Variants in PRKCE observed in about 807,000 individuals in gnomAD.
The protein encoded by PRKCE is protein kinase C epsilon.
Under a neutral mutation model 85.4 loss-of-function variants are expected in PRKCE, and 16 were observed. The observed-to-expected ratio is 0.19, with a 90% confidence interval of 0.13 to 0.28. The LOEUF is 0.28. Ranked by LOEUF, PRKCE falls within the 10% of genes least tolerant of loss-of-function variation. The pLI is 1.00. For synonymous variants in PRKCE, 388 were observed against 371.5 expected (o/e 1.04, Z -0.51); for missense variants, 573 against 975.2 (o/e 0.59, Z 5.49).
At chr2:45,849,599 A>T (rs939312420) in intron 2 of PRKCE, among the ~76,000 whole-genome samples, 40 of 152,202 alleles carry the variant, frequency 2.6e-4, no homozygotes, top group Admixed American at 1.3e-4. Context: ...CAAGGTGCTG[A>T]TCAGGCTCCC....
chr2:45,970,095 CTT>C (rs1305958486), intron 2 of PRKCE, among the ~76,000 whole-genome samples: 1 of 152,170 alleles, frequency 6.6e-6, no homozygotes, highest in Non-Finnish European at 1.5e-5. Context: ...ATGTGAATCT[CTT>C]TGTGGCCTTC....
intron 3 of PRKCE, among the ~76,000 whole-genome samples, chr2:45,977,144 A>C (rs866414999): frequency 1.9e-4 from 29 of 151,896 alleles, no homozygotes; most frequent in African/African-American, 6.8e-4. Context: ...TGATCCACCC[A>C]CCTCTGCCCC....
rs1677126041 is a variant in PRKCE at position 46,155,697 on chromosome 2, G to C, written c.1921-3909G>C. 6.6e-6 allele frequency among the ~76,000 whole-genome samples: 1 copy of C among 152,110 alleles called. No homozygotes were observed. The highest frequency in any genetic ancestry group is 2.4e-5 in the African/African-American group (1 of 41,416). ...GGCACCCTGTCTTCCTTTCTAAACAGACCAGAAATGGGGTGCAATCCCTCT... is the reference window on the plus strand; with the variant it reads ...GGCACCCTGTCTTCCTTTCTAAACACACCAGAAATGGGGTGCAATCCCTCT... On this transcript the variant is annotated intron_variant, in intron 13 of 14. Coordinates refer to ENST00000306156, the MANE Select transcript of PRKCE (RefSeq NM_005400.3). This position sits in a 1 kb window ranked among gnomAD's most constrained non-coding sequence, Gnocchi z 4.7.
Position 45,785,231 on chromosome 2 carries a change from C to CT in PRKCE, c.349-57766dup, listed in dbSNP as rs556829913. On this transcript the variant is annotated intron_variant, in intron 1 of 14. Transcript: ENST00000306156. ...AGAGGCCAGGCACGGTGGCGCACAC[C>CT]TTTAATTCCAGCACTTTGGGAGGCT... 3.2e-3 allele frequency among the ~76,000 whole-genome samples: 481 copies of CT among 152,238 alleles called. 9 individuals carry two copies. The highest frequency in any genetic ancestry group is 4.0e-3 in the Non-Finnish European group (272 of 68,014).
chr2:45,807,231 A>G (rs756778779), intron 1 of PRKCE, among the ~76,000 whole-genome samples: 33 of 152,254 alleles, frequency 2.2e-4, no homozygotes, highest in Non-Finnish European at 4.0e-4. Context: ...GAGGTAATAT[A>G]CATAAAGTGT....
intron 7 of PRKCE, among the ~76,000 whole-genome samples, chr2:46,003,572 A>AGTG (rs1274633698): frequency 6.6e-6 from 1 of 152,256 alleles, no homozygotes; most frequent in Non-Finnish European, 1.5e-5. Context: ...AGTCTACTTA[A>AGTG]GTGGAGAACA....
intron 2 of PRKCE, among the ~76,000 whole-genome samples, chr2:45,958,933 T>A (rs1389652713): frequency 6.8e-6 from 1 of 146,430 alleles, no homozygotes; most frequent in Non-Finnish European, 1.5e-5. Flanking sequence ...TTCTGATCTC[T>A]AGAAAGGTCT....
At position 45,929,156 on chromosome 2, in the gene PRKCE, C is replaced by T. The variant is rs1352814789; in HGVS notation, c.413-47273C>T. Among the ~76,000 whole-genome samples the T allele has an allele frequency of 3.3e-5, 5 of 152,170 alleles. No individual in the cohort carries two copies. In the East Asian group the frequency reaches 9.6e-4, roughly 29 times the overall value. ...TACAGACTTGTCATGATCTGCTCGT[C>T]ATCCTACCACGCGGGTCAATCTACC... On this transcript the variant is annotated intron_variant, in intron 2 of 14. Transcript: ENST00000306156.
At chr2:45,776,094 A>C (rs930918933) in intron 1 of PRKCE, among the ~76,000 whole-genome samples, 11 of 152,228 alleles carry the variant, frequency 7.2e-5, no homozygotes, top group African/African-American at 2.7e-4. Flanking sequence ...TTTATTCTGT[A>C]GTGCAGAGTA....
intron 11 of PRKCE, among the ~76,000 whole-genome samples, chr2:46,106,769 C>A (rs1256505289): frequency 1.3e-5 from 2 of 152,222 alleles, no homozygotes; most frequent in African/African-American, 4.8e-5. Context: ...TAAATGACCT[C>A]TTTAAAGGCC....
intron 11 of PRKCE, among the ~76,000 whole-genome samples, chr2:46,095,702 C>T (rs1438062810): frequency 6.6e-6 from 1 of 152,146 alleles, no homozygotes; most frequent in African/African-American, 2.4e-5. Flanking sequence ...ACCACTCATC[C>T]GTTTACTTTC....
At chr2:45,822,588 G>A (rs543458026) in intron 1 of PRKCE, among the ~76,000 whole-genome samples, 13 of 152,274 alleles carry the variant, frequency 8.5e-5, no homozygotes, top group African/African-American at 3.1e-4. Context: ...TAATGACTCT[G>A]GGCATAGAGA....
chr2:46,007,157 TA>T (rs1378331702), intron 8 of PRKCE, among the ~76,000 whole-genome samples: 1 of 152,326 alleles, frequency 6.6e-6, no homozygotes, highest in East Asian at 1.9e-4. Flanking sequence ...AACAGTGGAA[TA>T]GGCTACTAGC....
At chr2:45,705,576 G>A (rs1256140121) in intron 1 of PRKCE, among the ~76,000 whole-genome samples, 11 of 152,182 alleles carry the variant, frequency 7.2e-5, no homozygotes. Flanking sequence ...CAAATCTTAA[G>A]GATTGTCTGT....
chr2:45,783,753 T>A (rs904325554), intron 1 of PRKCE, among the ~76,000 whole-genome samples: 1 of 152,192 alleles, frequency 6.6e-6, no homozygotes, highest in Non-Finnish European at 1.5e-5. Flanking sequence ...TCTCTGGGTG[T>A]GGCTCACGAG....
intron 1 of PRKCE, among the ~76,000 whole-genome samples, chr2:45,714,052 A>T (rs1376981079): frequency 6.6e-6 from 1 of 152,254 alleles, no homozygotes; most frequent in South Asian, 2.1e-4. Flanking sequence ...TGTCATAATT[A>T]TTTCATGAAC....
intron 6 of PRKCE, among the ~76,000 whole-genome samples, chr2:45,985,930 G>C (rs2104605604): frequency 6.6e-6 from 1 of 152,354 alleles, no homozygotes; most frequent in African/African-American, 2.4e-5. Context: ...GGTTTTGTCA[G>C]GATCTAAGCA....
At chr2:45,762,168 G>A (rs1187978409) in intron 1 of PRKCE, among the ~76,000 whole-genome samples, 1 of 152,230 alleles carries the variant, frequency 6.6e-6, no homozygotes, top group South Asian at 2.1e-4. Flanking sequence ...TGGAAGAGAA[G>A]GAGAAGCATG....
chr2:46,135,491 C>T (rs1003710728), intron 11 of PRKCE, among the ~76,000 whole-genome samples: 3 of 152,148 alleles, frequency 2.0e-5, no homozygotes, highest in Admixed American at 6.5e-5. Context: ...TTACCAGATT[C>T]ACAGAGCACT....
Sources: allele counts gnomAD v4.1 joint callset (sites outside exome capture counted in the v4.1 genomes callset), GRCh38; gene constraint gnomAD v4.1.1; non-coding constraint Gnocchi (gnomAD v3.1); transcripts MANE v1.5; gene names NCBI Gene and HGNC (gene_info 2026-07-23, HGNC 2026-07-21).